ANKS1B: variants seen among roughly 807,000 people sequenced by gnomAD.
ANKS1B encodes the protein ankyrin repeat and sterile alpha motif domain-containing protein 1B.
ANKS1B carries 36 observed loss-of-function variants against 148.3 expected under a neutral mutation model. The observed-to-expected ratio is 0.24, with a 90% confidence interval of 0.19 to 0.32. The LOEUF is 0.32. Ranked by LOEUF, ANKS1B falls within the 10% of genes least tolerant of loss-of-function variation. The probability of loss-of-function intolerance (pLI) is 1.00; values close to 1 mark genes in which losing one functional copy is unlikely to be tolerated. For missense variants in ANKS1B, 1,157 were observed against 1,542.6 expected (o/e 0.75, Z 4.19); for synonymous variants, 542 against 560.8 (o/e 0.97, Z 0.47).
intron 12 of ANKS1B, among the ~76,000 whole-genome samples, chr12:99,297,161 T>G (rs1253632495): frequency 6.6e-6 from 1 of 152,110 alleles, no homozygotes; most frequent in African/African-American, 2.4e-5. Flanking sequence ...AAGTTTCAGG[T>G]CCATGAGAAA....
intron 12 of ANKS1B, among the ~76,000 whole-genome samples, chr12:99,335,377 G>C (rs2088599987): frequency 6.6e-6 from 1 of 151,202 alleles, no homozygotes. Context: ...TATTGTTTTA[G>C]TTACTTTTAA....
intron 17 of ANKS1B, among the ~76,000 whole-genome samples, chr12:98,968,653 C>T (rs1354828795): frequency 6.6e-6 from 1 of 151,992 alleles, no homozygotes; most frequent in Admixed American, 6.6e-5. Context: ...AAGCTCCTTC[C>T]TAGGAGCCAT....
intron 9 of ANKS1B, among the ~76,000 whole-genome samples, chr12:99,534,684 G>T (rs954337491): frequency 6.7e-6 from 1 of 150,272 alleles, no homozygotes; most frequent in Admixed American, 6.6e-5. Context: ...AGACTTTTAG[G>T]AAACTTTTTT....
At chr12:99,224,006 G>C (rs2085502018) in intron 14 of ANKS1B, among the ~76,000 whole-genome samples, 1 of 152,086 alleles carries the variant, frequency 6.6e-6, no homozygotes, top group African/African-American at 2.4e-5. Context: ...TTTGTTCACA[G>C]AATAAACAAA....
At chr12:99,455,521 A>T (rs1025327549) in intron 10 of ANKS1B, among the ~76,000 whole-genome samples, 1 of 152,154 alleles carries the variant, frequency 6.6e-6, no homozygotes, top group Non-Finnish European at 1.5e-5. Flanking sequence ...GCCTGGGGCA[A>T]GTTCTTAGTC....
chr12:99,255,542 T>C (rs2075156524), intron 12 of ANKS1B, among the ~76,000 whole-genome samples: 1 of 152,120 alleles, frequency 6.6e-6, no homozygotes, highest in South Asian at 2.1e-4. Context: ...TCTTATAAAA[T>C]TTCTTAAGCT....
chr12:99,933,441 C>T (rs558457958), intron 1 of ANKS1B, among the ~76,000 whole-genome samples: 157 of 152,190 alleles, frequency 1.0e-3, no homozygotes, highest in African/African-American at 3.6e-3. Flanking sequence ...TTTCTTGCAT[C>T]AGTGTTGTAT....
At position 98,773,027 on chromosome 12, in the gene ANKS1B, G is replaced by C. The variant is rs2287574; in HGVS notation, c.3579+15C>G. ...TGCAAAGTCTTTAATCTGTTGAAAG[G>C]GGGTGGGTACTCACCACATCAAAGG... On this transcript the variant is annotated intron_variant, in intron 25 of 26. Coordinates refer to ENST00000683438, the MANE Select transcript of ANKS1B (RefSeq NM_001352186.2). The C allele has an allele frequency of 4.3e-6, 7 of 1,612,930 alleles. No homozygotes were observed. The highest frequency in any genetic ancestry group is 2.2e-5 in the East Asian group (1 of 44,862).
chr12:99,786,975 T>A (rs2153638974), intron 4 of ANKS1B, among the ~76,000 whole-genome samples: 1 of 152,212 alleles, frequency 6.6e-6, no homozygotes, highest in East Asian at 1.9e-4. Context: ...ATGAAAGAAC[T>A]AGAACAAAAG....
chr12:98,773,033 G>A lies in ANKS1B; in HGVS notation c.3579+9C>T. 1 of 1,613,752 alleles carries A rather than the reference G, an allele frequency of 6.2e-7. No individual in the cohort carries two copies. On this transcript the variant is annotated intron_variant, in intron 25 of 26. Coordinates refer to ENST00000683438, the MANE Select transcript of ANKS1B (RefSeq NM_001352186.2). ...GTCTTTAATCTGTTGAAAGGGGGTG[G>A]GTACTCACCACATCAAAGGCAGTAA...
chr12:98,978,254 C>G (rs528929879), intron 17 of ANKS1B, among the ~76,000 whole-genome samples: 1 of 151,858 alleles, frequency 6.6e-6, no homozygotes, highest in Non-Finnish European at 1.5e-5. Flanking sequence ...TGTCTGCCTT[C>G]TTTTGGATTA....
chr12:98,882,744 T>A (rs565262723), intron 17 of ANKS1B, among the ~76,000 whole-genome samples: 1 of 149,076 alleles, frequency 6.7e-6, no homozygotes, highest in African/African-American at 2.5e-5. Flanking sequence ...GGCAAGTAAC[T>A]GCCATACTGC....
intron 8 of ANKS1B, among the ~76,000 whole-genome samples, chr12:99,771,588 AAC>A (rs2063198772): frequency 6.6e-6 from 1 of 152,122 alleles, no homozygotes; most frequent in South Asian, 2.1e-4. Flanking sequence ...CAGATTTTTT[AAC>A]AGAGGATTTT....
chr12:99,885,722 A>T (rs1190326492), intron 1 of ANKS1B, among the ~76,000 whole-genome samples: 1 of 152,072 alleles, frequency 6.6e-6, no homozygotes, highest in African/African-American at 2.4e-5. Flanking sequence ...CATTGTATCC[A>T]GTATGTAGTT....
intron 9 of ANKS1B, among the ~76,000 whole-genome samples, chr12:99,607,360 T>C (rs2097858433): frequency 6.6e-6 from 1 of 151,970 alleles, no homozygotes; most frequent in African/African-American, 2.4e-5. Context: ...AAGTTAAAAG[T>C]TAAATGTAGT....
chr12:99,274,642 C>T (rs946616454), intron 12 of ANKS1B, among the ~76,000 whole-genome samples: 2 of 152,242 alleles, frequency 1.3e-5, no homozygotes, highest in Non-Finnish European at 2.9e-5. Context: ...TTTCAATGCC[C>T]TTTTAGTTTC....
intron 9 of ANKS1B, among the ~76,000 whole-genome samples, chr12:99,606,181 A>G (rs1344544472): frequency 1.3e-5 from 2 of 151,860 alleles, no homozygotes; most frequent in Non-Finnish European, 2.9e-5. Flanking sequence ...TTTTAGTGAA[A>G]TTATATGCTT....
rs572302100 is a variant in ANKS1B, at chr12:98,832,020, G to C, written c.2886+9C>G. ...GGCAGAGAACCAGATGAATGTGCTT[G>C]GCACTTACCCTGAGGGTGATGGACC... On this transcript the variant is annotated intron_variant, in intron 18 of 26. Transcript: ENST00000683438. 3 of 1,575,924 alleles carry C rather than the reference G, an allele frequency of 1.9e-6. No individual in the cohort carries two copies. The South Asian group carries it at 3.5e-5, about 18-fold the overall frequency.
intron 17 of ANKS1B, among the ~76,000 whole-genome samples, chr12:98,981,998 G>T (rs907837431): frequency 6.6e-6 from 1 of 152,144 alleles, no homozygotes; most frequent in Non-Finnish European, 1.5e-5. Context: ...TAAACTGAGC[G>T]CTAGATGGAG....
Sources: allele counts gnomAD v4.1 joint callset (sites outside exome capture counted in the v4.1 genomes callset), GRCh38; gene constraint gnomAD v4.1.1; transcripts MANE v1.5; gene names NCBI Gene and HGNC (gene_info 2026-07-23, HGNC 2026-07-21).